The following DMGDH variants were observed in gnomAD, a reference collection of about 807,000 sequenced individuals.
DMGDH encodes dimethylglycine dehydrogenase.
In DMGDH, 76 loss-of-function variants were observed where a neutral mutation model predicts 95.2. The observed-to-expected ratio is 0.80, with a 90% CI of 0.66 to 0.97. The LOEUF (loss-of-function observed/expected upper bound fraction) is 0.97, where lower values mean the gene tolerates loss of function less well. DMGDH is among the 50% of genes least tolerant of loss of function. The pLI is 0.00. For synonymous variants in DMGDH, 345 were observed against 377.6 expected, an observed-to-expected ratio of 0.91 and a Z score of 1.00; for missense variants, 987 against 1,055.0, an observed-to-expected ratio of 0.94 and a Z score of 0.89.
intron 2 of DMGDH, among the ~76,000 whole-genome samples, chr5:79,063,212 T>C (rs750106795): frequency 2.6e-5 from 4 of 152,282 alleles, no homozygotes; most frequent in East Asian, 3.9e-4. Context: ...ACCCAGACAG[T>C]ATCCTTCCAT....
chr5:79,008,431 C>G (rs536209391), intron 14 of DMGDH, among the ~76,000 whole-genome samples: 1 of 152,182 alleles, frequency 6.6e-6, no homozygotes, highest in South Asian at 2.1e-4. Context: ...CAGTCAAAGA[C>G]AGGCAATCAA....
intron 5 of DMGDH, among the ~76,000 whole-genome samples, chr5:79,050,520 AC>A (rs1754823687): frequency 6.6e-6 from 1 of 152,164 alleles, no homozygotes; most frequent in Non-Finnish European, 1.5e-5. Flanking sequence ...CCCAGTTTAG[AC>A]TGCACAAGCA....
intron 1 of DMGDH, among the ~76,000 whole-genome samples, chr5:79,068,972 C>A (rs1755461866): frequency 1.3e-5 from 2 of 152,194 alleles, no homozygotes; most frequent in Admixed American, 1.3e-4. Context: ...ACAAGTTCAC[C>A]TTTAAAAACT....
chr5:79,050,276 ATAT>A (rs1561226175), intron 5 of DMGDH, among the ~76,000 whole-genome samples: 6 of 27,110 alleles, frequency 2.2e-4, no homozygotes, highest in African/African-American at 6.4e-4. Flanking sequence ...AAAAAAAAAT[ATAT>A]ATATATATAT....
chr5:79,035,970 G>A (rs1754337049), intron 7 of DMGDH, among the ~76,000 whole-genome samples: 1 of 152,144 alleles, frequency 6.6e-6, no homozygotes, highest in Admixed American at 6.5e-5. Flanking sequence ...AAACATCTCT[G>A]GAGAATCCCT....
In DMGDH at chr5:79,069,614, G is replaced by T; in HGVS notation, c.7C>A (p.Arg3Ser). Reference protein sequence around the residue: MLRPGAQLLRGLL... With the variant: MLSPGAQLLRGLL... Reference sequence around the variant, plus strand: ...CCCCGCAGCAGCTGCGCGCCGGGACGGAGCATGACTAGGCCGAGGCCGAGG... The same window carrying T: ...CCCCGCAGCAGCTGCGCGCCGGGACTGAGCATGACTAGGCCGAGGCCGAGG... Residue 3 changes from arginine to serine, a missense_variant, in exon 1 of 16, where the codon CGT becomes AGT. Transcript: ENST00000255189. 2 of 1,372,866 alleles carry T rather than the reference G, an allele frequency of 1.5e-6. No homozygotes were observed. Among genetic ancestry groups the T allele is most frequent in the Non-Finnish European group, 9.4e-7 (1 of 1,061,224 alleles). 85.0% of individuals were successfully genotyped at this position (1,372,866 alleles called of 1,614,324 possible).
rs927610470 is a variant in DMGDH at position 79,029,758 on chromosome 5, A to AT, written c.1814+145dup. The AT allele has an allele frequency of 3.5e-6, 3 of 866,930 alleles. No individual in the cohort carries two copies. The African/African-American group carries it at 5.1e-5, about 15-fold the overall frequency. 53.7% of individuals were successfully genotyped at this position (866,930 alleles called of 1,614,324 possible). On this transcript the variant is annotated intron_variant, in intron 11 of 15. Transcript: ENST00000255189. ...GGGCCCTCACTTCAAATATTTTTGT[A>AT]TTAAAAAAAATAAAGTTTATTTGAA...
At chr5:79,069,017 A>C (rs1207410629) in intron 1 of DMGDH, among the ~76,000 whole-genome samples, 2 of 152,232 alleles carry the variant, frequency 1.3e-5, no homozygotes, top group African/African-American at 2.4e-5. Flanking sequence ...TCAAAGATAG[A>C]TGCCTAAGAA....
chr5:79,045,343 G>A (rs867797841), intron 5 of DMGDH, among the ~76,000 whole-genome samples: 4 of 152,004 alleles, frequency 2.6e-5, no homozygotes, highest in South Asian at 2.1e-4. Flanking sequence ...TTTTATTTGC[G>A]GAGGTGAATG....
At chr5:79,067,100 C>T (rs911259043) in intron 1 of DMGDH, among the ~76,000 whole-genome samples, 7 of 152,208 alleles carry the variant, frequency 4.6e-5, no homozygotes, top group African/African-American at 1.7e-4. Flanking sequence ...TATTTGAATA[C>T]CAAATTGTCC....
In DMGDH at chr5:79,069,569, GGCAGCTCCGCAGCAGGAGGCCCCGCA is replaced by G. The variant is rs1755492683; in HGVS notation, c.26_51del (p.Leu9ProfsTer94). 3.7e-6 allele frequency: 5 copies of G among 1,348,560 alleles called. No homozygotes were observed. Among genetic ancestry groups the G allele is most frequent in the Non-Finnish European group, 4.8e-6 (5 of 1,051,124 alleles). 83.5% of individuals were successfully genotyped at this position (1,348,560 alleles called of 1,614,324 possible). On this transcript the variant is annotated frameshift_variant, in exon 1 of 16. Coordinates refer to ENST00000255189, the MANE Select transcript of DMGDH (RefSeq NM_013391.3). LOFTEE classifies it high-confidence loss of function. ...GGGCGCCCGGGGGAGCCCTGCAGCGGGCAGCTCCGCAGCAGGAGGCCCCGCAGCAGCTGCGCGCCGGGACGGAGCAT... is the reference window on the plus strand; with the variant it reads ...GGGCGCCCGGGGGAGCCCTGCAGCGGGCAGCTGCGCGCCGGGACGGAGCAT...
At chr5:79,025,319 G>A (rs1047589930) in intron 13 of DMGDH, among the ~76,000 whole-genome samples, 2 of 152,164 alleles carry the variant, frequency 1.3e-5, no homozygotes, top group Non-Finnish European at 2.9e-5. Context: ...TCCTCGGAGA[G>A]TGTGGGGACC....
intron 5 of DMGDH, among the ~76,000 whole-genome samples, chr5:79,049,114 C>T (rs1208886500): frequency 6.6e-6 from 1 of 152,142 alleles, no homozygotes; most frequent in African/African-American, 2.4e-5. Context: ...TCTCAAGGAC[C>T]TCCTTTCCCT....
chr5:79,028,355 C>A, intron 12 of DMGDH, 78 bp downstream of exon 12: 1 of 1,271,788 alleles, frequency 7.9e-7, no homozygotes, highest in Admixed American at 1.9e-5. Flanking sequence ...GTGACATGAC[C>A]TTTTAATTTT....
rs1446575615 is a variant in DMGDH, at chr5:79,050,289, T to A, written c.745+998A>T. Among the ~76,000 whole-genome samples, 189 of 125,136 alleles carry A rather than the reference T, an allele frequency of 1.5e-3. 2 individuals carry two copies. Among genetic ancestry groups the A allele is most frequent in the African/African-American group, 5.1e-3 (175 of 34,226 alleles). The allele number at this position is 125,136 out of a possible 152,430, so 82.1% of individuals were successfully genotyped here. On this transcript the variant is annotated intron_variant, in intron 5 of 15. Coordinates refer to ENST00000255189, the MANE Select transcript of DMGDH (RefSeq NM_013391.3). Reference sequence around the variant, plus strand: ...AAAAAAAAAAATATATATATATATATATATATATATATACCTCAAAAGTTA... The same window carrying A: ...AAAAAAAAAAATATATATATATATAAATATATATATATACCTCAAAAGTTA...
chr5:79,028,734 T>C (rs1754071439), intron 11 of DMGDH, 84 bp from the exon 12 acceptor site: 2 of 1,445,534 alleles, frequency 1.4e-6, no homozygotes, highest in African/African-American at 2.8e-5. Flanking sequence ...AGACATGCTT[T>C]GTGTCTAGAG....
At chr5:79,025,969 T>C (rs971318414) in intron 13 of DMGDH, among the ~76,000 whole-genome samples, 4 of 152,144 alleles carry the variant, frequency 2.6e-5, no homozygotes, top group African/African-American at 7.2e-5. Context: ...ACTATACAAA[T>C]AGAAACTCTT....
chr5:78,998,976 C>G (rs1168131546), intron 15 of DMGDH, among the ~76,000 whole-genome samples: 2 of 152,136 alleles, frequency 1.3e-5, no homozygotes, highest in South Asian at 2.1e-4. Context: ...CAAAACATTA[C>G]ATGGAACAAA....
intron 14 of DMGDH, among the ~76,000 whole-genome samples, chr5:79,014,844 C>T (rs1455236676): frequency 6.6e-6 from 1 of 151,678 alleles, no homozygotes. Flanking sequence ...AACCCTTCAA[C>T]AAATATTTAC....
Sources: allele counts gnomAD v4.1 joint callset (sites outside exome capture counted in the v4.1 genomes callset), GRCh38; gene constraint gnomAD v4.1.1; transcripts MANE v1.5; gene names NCBI Gene and HGNC (gene_info 2026-07-23, HGNC 2026-07-21).